Variants in SOX5 observed in about 807,000 individuals in gnomAD.
SOX5 encodes the protein SRY-box transcription factor 5.
A neutral mutation model predicts 92.0 loss-of-function variants in SOX5; 9 were observed. That is an observed-to-expected ratio of 0.10 (90% CI 0.06 to 0.17). The LOEUF (loss-of-function observed/expected upper bound fraction) is 0.17. SOX5 is among the 10% of genes least tolerant of loss of function. The probability of loss-of-function intolerance (pLI) is 1.00; values close to 1 mark genes in which losing one functional copy is unlikely to be tolerated. For synonymous variants in SOX5, 344 were observed against 336.3 expected (o/e 1.02, Z -0.25); for missense variants, 642 against 944.5 (o/e 0.68, Z 4.20).
At chr12:24,270,795 T>A (rs1363492049) in intron 3 of SOX5, among the ~76,000 whole-genome samples, 3 of 152,252 alleles carry the variant, frequency 2.0e-5, no homozygotes, top group African/African-American at 7.2e-5. Flanking sequence ...CCTAGAATCA[T>A]CCTGTCTGTA....
intron 4 of SOX5, among the ~76,000 whole-genome samples, chr12:24,060,030 A>G (rs575951888): frequency 6.6e-6 from 1 of 152,364 alleles, no homozygotes; most frequent in East Asian, 1.9e-4. Context: ...CAGGTGATGC[A>G]TAGATACATA....
At chr12:24,021,781 C>G (rs547772029) in intron 4 of SOX5, among the ~76,000 whole-genome samples, 1 of 152,088 alleles carries the variant, frequency 6.6e-6, no homozygotes, top group African/African-American at 2.4e-5. Flanking sequence ...TATCAGAATT[C>G]GTATCATCCA....
At chr12:24,117,341 AC>A (rs1413457404) in intron 4 of SOX5, among the ~76,000 whole-genome samples, 4 of 152,310 alleles carry the variant, frequency 2.6e-5, no homozygotes, top group South Asian at 2.1e-4. Flanking sequence ...GGAAAAGGGA[AC>A]CCTTGTACAC....
At chr12:24,269,967 G>A (rs533713910) in intron 3 of SOX5, among the ~76,000 whole-genome samples, 43 of 150,054 alleles carry the variant, frequency 2.9e-4, no homozygotes, top group Non-Finnish European at 4.9e-4. Context: ...TTACTGGCAT[G>A]AGCCACCATG....
intron 8 of SOX5, among the ~76,000 whole-genome samples, chr12:23,613,246 G>T (rs1258449288): frequency 6.6e-6 from 1 of 151,542 alleles, no homozygotes; most frequent in Non-Finnish European, 1.5e-5. Flanking sequence ...CTCCCGTCTT[G>T]ACAAACCTAT....
In SOX5 at chr12:23,578,144, A is replaced by AAAAAAAAAAAAAAAAAAAAAAAG. The variant is rs1432589481; in HGVS notation, c.1165-2307_1165-2306insCTTTTTTTTTTTTTTTTTTTTTT. Among the ~76,000 whole-genome samples the AAAAAAAAAAAAAAAAAAAAAAAG allele has an allele frequency of 8.9e-5, 12 of 134,906 alleles. 1 individual carries two copies. Among genetic ancestry groups the AAAAAAAAAAAAAAAAAAAAAAAG allele is most frequent in the Non-Finnish European group, 1.8e-4 (11 of 61,724 alleles). The allele number at this position is 134,906 out of a possible 152,430, so 88.5% of individuals were successfully genotyped here. A position where few individuals can be genotyped will look rare whatever the true frequency, so the allele number is the denominator to read the frequency against. On this transcript the variant is annotated intron_variant, in intron 9 of 14. Coordinates refer to ENST00000451604, the MANE Select transcript of SOX5 (RefSeq NM_006940.6). ...AAAAAAAAAAAAAAAAAAAAAAAAA[A>AAAAAAAAAAAAAAAAAAAAAAAG]AAAAAACTATAGGGGCAATATTATC...
At chr12:24,080,888 A>C (rs186127557) in intron 4 of SOX5, among the ~76,000 whole-genome samples, 208 of 152,106 alleles carry the variant, frequency 1.4e-3, no homozygotes, top group Middle Eastern at 3.4e-3. Flanking sequence ...CTAAGTTAAA[A>C]AACAACAACA....
At chr12:24,071,054 A>T (rs1463002508) in intron 4 of SOX5, among the ~76,000 whole-genome samples, 1 of 152,210 alleles carries the variant, frequency 6.6e-6, no homozygotes, top group Non-Finnish European at 1.5e-5. Context: ...CCTGAATACA[A>T]TAGAAGACTG....
rs571679341 is a variant in SOX5 at position 24,084,082 on chromosome 12, C to T, written c.-2+129261G>A. ...TAAAAAATCTGTATGATTTGGAAAC[C>T]ACAGATATGGTGGGCAAAAGAGGAA... On this transcript the variant is annotated intron_variant, in intron 4 of 4. Transcript: ENST00000446891. Among the ~76,000 whole-genome samples, 6 of 152,118 alleles carry T rather than the reference C, an allele frequency of 3.9e-5. 1 individual carries two copies. Among genetic ancestry groups the T allele is most frequent in the Admixed American group, 2.6e-4 (4 of 15,266 alleles).
At chr12:23,712,696 T>C (rs2092163644) in intron 6 of SOX5, among the ~76,000 whole-genome samples, 1 of 152,188 alleles carries the variant, frequency 6.6e-6, no homozygotes. Flanking sequence ...GACTATATCA[T>C]TCAATAATAA....
chr12:24,121,520 T>C (rs921756328), intron 4 of SOX5, among the ~76,000 whole-genome samples: 4 of 152,012 alleles, frequency 2.6e-5, no homozygotes, highest in African/African-American at 7.2e-5. Flanking sequence ...TTACAGAAGT[T>C]TATGGGGACA....
At chr12:24,346,832 A>G (rs1002852309) in intron 2 of SOX5, among the ~76,000 whole-genome samples, 7 of 151,902 alleles carry the variant, frequency 4.6e-5, no homozygotes, top group Non-Finnish European at 7.4e-5. Flanking sequence ...GAATAATGAG[A>G]ACACTTGGAC....
At chr12:23,803,980 T>C (rs1201527383) in intron 3 of SOX5, among the ~76,000 whole-genome samples, 3 of 152,196 alleles carry the variant, frequency 2.0e-5, no homozygotes, top group East Asian at 3.9e-4. Context: ...CAGACATCTG[T>C]TCAGATACAG....
chr12:23,648,675 T>C (rs2081184956), intron 7 of SOX5, among the ~76,000 whole-genome samples: 1 of 152,128 alleles, frequency 6.6e-6, no homozygotes, highest in African/African-American at 2.4e-5. Context: ...GCTGACACTC[T>C]GATCTCAGCT....
At chr12:23,601,221 CCT>C (rs906589943) in intron 9 of SOX5, among the ~76,000 whole-genome samples, 1 of 152,132 alleles carries the variant, frequency 6.6e-6, no homozygotes, top group Non-Finnish European at 1.5e-5. Context: ...GGAGCCCCCT[CCT>C]TTCGATTTCC....
chr12:23,934,222 C>T (rs1056643559), intron 1 of SOX5, among the ~76,000 whole-genome samples: 5 of 151,336 alleles, frequency 3.3e-5, no homozygotes, highest in African/African-American at 1.2e-4. Flanking sequence ...CAATAGTGAG[C>T]TTCTTTCCAT....
intron 1 of SOX5, among the ~76,000 whole-genome samples, chr12:24,420,929 C>T (rs1283095766): frequency 6.6e-6 from 1 of 152,098 alleles, no homozygotes; most frequent in African/African-American, 2.4e-5. Context: ...GAGTATGCCA[C>T]CAACAAAATC....
At chr12:24,422,986 G>A (rs1966163648) in intron 1 of SOX5, among the ~76,000 whole-genome samples, 1 of 152,188 alleles carries the variant, frequency 6.6e-6, no homozygotes, top group African/African-American at 2.4e-5. Context: ...ACTCCAGCCT[G>A]GGTGACAGAG....
intron 4 of SOX5, among the ~76,000 whole-genome samples, chr12:23,987,515 G>A (rs934795064): frequency 2.6e-5 from 4 of 152,206 alleles, no homozygotes; most frequent in Non-Finnish European, 4.4e-5. Context: ...ATGAAGAGCT[G>A]GGTGTGGTGG....
Sources: gnomAD v4.1 joint callset for allele counts (sites outside exome capture counted in the v4.1 genomes callset) on GRCh38, gnomAD v4.1.1 for gene constraint, MANE v1.5 for transcripts, NCBI Gene and HGNC (gene_info 2026-07-23, HGNC 2026-07-21) for gene names.